The following NLGN4X variants were observed in gnomAD, a reference collection of about 807,000 sequenced individuals.
NLGN4X encodes the protein neuroligin-4, X-linked.
NLGN4X carries 3 observed loss-of-function variants against 40.3 expected under a neutral mutation model. That is an observed-to-expected ratio of 0.07 (90% CI 0.03 to 0.19). The LOEUF (loss-of-function observed/expected upper bound fraction) is 0.19, where lower values mean the gene tolerates loss of function less well. NLGN4X is among the 10% of genes least tolerant of loss of function. NLGN4X has a pLI of 1.00. For synonymous variants in NLGN4X, 270 were observed against 306.8 expected (o/e 0.88, Z 1.25); for missense variants, 382 against 708.3 (o/e 0.54, Z 5.23).
At chrX:6,102,040 G>A (rs111794240) in intron 2 of NLGN4X, among the ~76,000 whole-genome samples, 10,741 of 110,375 alleles carry the variant, frequency 0.097, 483 homozygotes, top group East Asian at 0.14. Context: ...TCAATCTCCC[G>A]ACCTCGTGAT....
intron 3 of NLGN4X, among the ~76,000 whole-genome samples, chrX:5,970,544 T>G (rs1569160532): frequency 8.9e-6 from 1 of 111,769 alleles, no homozygotes; most frequent in Non-Finnish European, 1.9e-5. Context: ...TGAAACATTT[T>G]TTCTTCTCTG....
At chrX:6,008,435 A>C (rs1403331133) in intron 3 of NLGN4X, among the ~76,000 whole-genome samples, 3 of 112,328 alleles carry the variant, frequency 2.7e-5, no homozygotes, top group African/African-American at 9.7e-5. Flanking sequence ...TGAACCTTGT[A>C]AACCTTGTAA....
chrX:6,023,996 C>CAA lies in NLGN4X; in HGVS notation c.625+5282_625+5283dup, dbSNP rs753725389. On this transcript the variant is annotated intron_variant, in intron 3 of 5. Coordinates refer to ENST00000381095, the MANE Select transcript of NLGN4X (RefSeq NM_181332.3). ...GTCTTTGGACTATCATGAACAACAA[C>CAA]AACAAAAAAAAAACAGATTGGGGAG... 6.9e-4 allele frequency among the ~76,000 whole-genome samples: 75 copies of CAA among 108,994 alleles called. No individual in the cohort carries two copies. The South Asian group carries it at 0.024, about 35-fold the overall frequency. The allele number at this position is 108,994 out of a possible 115,157, so 94.6% of individuals were successfully genotyped here.
At chrX:6,125,574 G>T (rs1344695511) in intron 2 of NLGN4X, among the ~76,000 whole-genome samples, 2 of 108,532 alleles carry the variant, frequency 1.8e-5, no homozygotes, top group African/African-American at 6.7e-5. Context: ...TATAAGCCCT[G>T]GTATTAAAAA....
intron 3 of NLGN4X, among the ~76,000 whole-genome samples, chrX:5,979,017 T>C (rs1473259992): frequency 1.8e-5 from 2 of 111,079 alleles, no homozygotes; most frequent in African/African-American, 6.6e-5. Context: ...CACACACATA[T>C]ATATACATGT....
intron 3 of NLGN4X, among the ~76,000 whole-genome samples, chrX:5,989,451 C>T (rs1199664919): frequency 1.8e-5 from 2 of 112,154 alleles, no homozygotes; most frequent in Admixed American, 9.5e-5. Flanking sequence ...AGCCTAATTA[C>T]GTAACAGTCA....
At position 5,981,877 on chromosome X, in the gene NLGN4X, T is replaced by C. The variant is rs182739226; in HGVS notation, c.625+47403A>G. Among the ~76,000 whole-genome samples the C allele has an allele frequency of 2.5e-3, 280 of 111,677 alleles. 2 individuals carry two copies. The highest frequency in any genetic ancestry group is 8.7e-3 in the African/African-American group (268 of 30,825). ...GCGTTATTGCTATGTTGTAGATTGA[T>C]TGCAGACATACTAATCAACAGCTGG... On this transcript the variant is annotated intron_variant, in intron 3 of 5. Coordinates refer to ENST00000381095, the MANE Select transcript of NLGN4X (RefSeq NM_181332.3).
chrX:6,081,204 C>T (rs1264259638), intron 2 of NLGN4X, among the ~76,000 whole-genome samples: 1 of 111,756 alleles, frequency 8.9e-6, no homozygotes, highest in African/African-American at 3.3e-5. Context: ...GGGAGGATTG[C>T]TTGAGCCTAG....
At chrX:6,200,687 C>CTTTTTTTTTTT (rs767226691) in intron 1 of NLGN4X, among the ~76,000 whole-genome samples, 13 of 55,558 alleles carry the variant, frequency 2.3e-4, no homozygotes, top group Non-Finnish European at 2.5e-4. Context: ...CTTTCCTTTT[C>CTTTTTTTTTTT]TTTTTTTTTT....
At chrX:6,077,320 T>TGTG (rs1168258467) in intron 2 of NLGN4X, among the ~76,000 whole-genome samples, 4 of 109,466 alleles carry the variant, frequency 3.7e-5, no homozygotes, top group Admixed American at 9.8e-5. Context: ...GGTGTGTGTG[T>TGTG]GTGTGTGACA....
intron 3 of NLGN4X, among the ~76,000 whole-genome samples, chrX:5,963,381 T>C (rs1317063679): frequency 1.8e-5 from 2 of 111,910 alleles, no homozygotes; most frequent in Non-Finnish European, 3.8e-5. Flanking sequence ...TTTAGTAATT[T>C]GTGGAAGGCA....
At chrX:5,921,133 T>TATATATATATATATATATATATATA (rs2033017445) in intron 3 of NLGN4X, among the ~76,000 whole-genome samples, 1 of 65,013 alleles carries the variant, frequency 1.5e-5, no homozygotes, top group African/African-American at 6.7e-5. Context: ...TAAGTATTTT[T>TATATATATATATATATATATATATA]TATATATATA....
At chrX:6,164,743 C>G (rs1402970189) in intron 1 of NLGN4X, among the ~76,000 whole-genome samples, 2 of 111,816 alleles carry the variant, frequency 1.8e-5, no homozygotes, top group Non-Finnish European at 3.8e-5. Flanking sequence ...ACCCCAGGAC[C>G]AGCTCCATCT....
intron 3 of NLGN4X, among the ~76,000 whole-genome samples, chrX:6,021,821 G>T (rs73627045): frequency 1.8e-5 from 2 of 108,328 alleles, no homozygotes; most frequent in African/African-American, 6.9e-5. Context: ...CCTATCTTCT[G>T]CAATGTGTTC....
chrX:5,966,508 T>C (rs1321663582), intron 3 of NLGN4X, among the ~76,000 whole-genome samples: 6 of 112,732 alleles, frequency 5.3e-5, no homozygotes, highest in African/African-American at 1.9e-4. Flanking sequence ...GCTAAGCGCA[T>C]ATGTAGAATA....
intron 2 of NLGN4X, among the ~76,000 whole-genome samples, chrX:6,145,090 G>C (rs143009855): frequency 0.03 from 3,312 of 111,417 alleles, 122 homozygotes; most frequent in African/African-American, 0.1. Flanking sequence ...AAGTGAAGTA[G>C]TGCCTGCTCA....
Position 6,023,322 on chromosome X carries a change from T to C in NLGN4X, c.625+5958A>G, listed in dbSNP as rs192360443. Among the ~76,000 whole-genome samples the C allele has an allele frequency of 8.0e-5, 9 of 112,231 alleles. No homozygotes were observed. In the East Asian group the frequency reaches 2.5e-3, roughly 32 times the overall value. On this transcript the variant is annotated intron_variant, in intron 3 of 5. Coordinates refer to ENST00000381095, the MANE Select transcript of NLGN4X (RefSeq NM_181332.3). The stretch of plus-strand genomic sequence containing the variant: ...ATGAATCAGCCTTCAAGGACCCACT[T>C]TGAGGAACTTAAAAATACACTGTAA...
chrX:6,055,657 GAAAT>G (rs1602144194), intron 2 of NLGN4X, among the ~76,000 whole-genome samples: 2 of 108,958 alleles, frequency 1.8e-5, no homozygotes, highest in African/African-American at 3.3e-5. Context: ...ATAAAATAAT[GAAAT>G]AAATAACATT....
chrX:5,980,373 T>C (rs1286742191), intron 3 of NLGN4X, among the ~76,000 whole-genome samples: 1 of 110,208 alleles, frequency 9.1e-6, no homozygotes, highest in Non-Finnish European at 1.9e-5. Flanking sequence ...AGCATTTTTT[T>C]AAGTTTTGAT....
Sources: gnomAD v4.1 joint callset for allele counts (sites outside exome capture counted in the v4.1 genomes callset) on GRCh38, gnomAD v4.1.1 for gene constraint, MANE v1.5 for transcripts, NCBI Gene and HGNC (gene_info 2026-07-23, HGNC 2026-07-21) for gene names.